Variants in KCNJ6 observed in about 807,000 individuals in gnomAD.
KCNJ6 encodes the protein potassium inwardly rectifying channel subfamily J member 6, also known as G protein-activated inward rectifier potassium channel 2.
A neutral mutation model predicts 34.2 loss-of-function variants in KCNJ6; 9 were observed. That is an observed-to-expected ratio of 0.26 (90% confidence interval 0.16 to 0.46). The LOEUF is 0.46. Ranked by LOEUF, KCNJ6 falls within the 20% of genes least tolerant of loss-of-function variation. KCNJ6 has a pLI of 1.00. For missense variants in KCNJ6, 236 were observed against 531.3 expected (o/e 0.44, Z 5.46); for synonymous variants, 196 against 207.1 (o/e 0.95, Z 0.46).
chr21:37,798,747 G>A (rs1043679382), intron 2 of KCNJ6, among the ~76,000 whole-genome samples: 4 of 152,044 alleles, frequency 2.6e-5, no homozygotes, highest in East Asian at 1.9e-4. Context: ...GTTTGGGGCC[G>A]GGGAAAAGGT....
chr21:37,908,868 A>T (rs1448720054), intron 1 of KCNJ6, among the ~76,000 whole-genome samples: 2 of 152,216 alleles, frequency 1.3e-5, no homozygotes, highest in Non-Finnish European at 2.9e-5. Context: ...CTTTGCTGCC[A>T]GACATTTATA....
At chr21:37,728,582 A>G (rs2054867410) in intron 2 of KCNJ6, among the ~76,000 whole-genome samples, 1 of 152,194 alleles carries the variant, frequency 6.6e-6, no homozygotes, top group Admixed American at 6.5e-5. Context: ...ACGATGCTAT[A>G]GCTCCAGACT....
chr21:37,878,719 C>T (rs2055691491), intron 1 of KCNJ6, among the ~76,000 whole-genome samples: 1 of 152,000 alleles, frequency 6.6e-6, no homozygotes. Context: ...ACCACTGAAT[C>T]ACAAAGGGAA....
intron 1 of KCNJ6, among the ~76,000 whole-genome samples, chr21:37,843,471 C>T: frequency 6.6e-6 from 1 of 152,316 alleles, no homozygotes; most frequent in East Asian, 1.9e-4. Flanking sequence ...TGTCTCTAAA[C>T]TCCTTATGTC....
At chr21:37,703,338 G>A (rs1451421508) in intron 3 of KCNJ6, among the ~76,000 whole-genome samples, 1 of 151,618 alleles carries the variant, frequency 6.6e-6, no homozygotes, top group East Asian at 1.9e-4. Flanking sequence ...CCAGGTGTGT[G>A]GCAGAAATGG....
intron 3 of KCNJ6, among the ~76,000 whole-genome samples, chr21:37,710,053 A>C (rs1271684196): frequency 6.8e-6 from 1 of 146,766 alleles, no homozygotes; most frequent in African/African-American, 2.4e-5. Context: ...TCTTTAAGAA[A>C]AACTTATTGG....
chr21:37,824,291 T>A (rs576900164), intron 2 of KCNJ6, among the ~76,000 whole-genome samples: 1 of 152,354 alleles, frequency 6.6e-6, no homozygotes, highest in Admixed American at 6.5e-5. Flanking sequence ...TCATAATTTT[T>A]ATGATATGAC....
At chr21:37,907,851 C>G (rs1456215786) in intron 1 of KCNJ6, among the ~76,000 whole-genome samples, 1 of 152,214 alleles carries the variant, frequency 6.6e-6, no homozygotes, top group African/African-American at 2.4e-5. Context: ...ACTGTCCTGC[C>G]TATTCCCTTC....
chr21:37,611,263 T>C lies in KCNJ6; in HGVS notation c.*13896A>G, dbSNP rs1050746997. 2 of 152,198 alleles carry C rather than the reference T, an allele frequency of 1.3e-5. No individual in the cohort carries two copies. The highest frequency in any genetic ancestry group is 2.9e-5 in the Non-Finnish European group (2 of 68,028). 9.4% of individuals were successfully genotyped at this position (152,198 alleles called of 1,614,324 possible). On this transcript the variant is annotated 3_prime_UTR_variant, in exon 4 of 4. Transcript: ENST00000609713. ...ATGTAGATGAAATGAACCAATTCCT[T>C]GAAAAATAGAATTTGTCAAAACTCA...
At chr21:37,697,388 G>A (rs1196572278) in intron 3 of KCNJ6, among the ~76,000 whole-genome samples, 1 of 152,200 alleles carries the variant, frequency 6.6e-6, no homozygotes, top group African/African-American at 2.4e-5. Flanking sequence ...CATAGAAAGT[G>A]GGGTGGGAAA....
chr21:37,751,811 G>T (rs2054997308), intron 2 of KCNJ6, among the ~76,000 whole-genome samples: 1 of 152,180 alleles, frequency 6.6e-6, no homozygotes, highest in Non-Finnish European at 1.5e-5. Flanking sequence ...CTATCTCGGG[G>T]TCTTTGAAGA....
At chr21:37,852,251 A>T (rs766854600) in intron 1 of KCNJ6, among the ~76,000 whole-genome samples, 7 of 152,210 alleles carry the variant, frequency 4.6e-5, no homozygotes, top group Non-Finnish European at 1.0e-4. Context: ...GACTCCCTGG[A>T]GACCATATGG....
rs148008039 is a variant in KCNJ6 at position 37,732,780 on chromosome 21, G to A, written c.26-17649C>T. ...TGGAAAATTGAATTTCATTTTCTCTGCTGTCCCTCTCCTGGGGATGACAGA... is the reference window on the plus strand; with the variant it reads ...TGGAAAATTGAATTTCATTTTCTCTACTGTCCCTCTCCTGGGGATGACAGA... On this transcript the variant is annotated intron_variant, in intron 2 of 3. Coordinates refer to ENST00000609713, the MANE Select transcript of KCNJ6 (RefSeq NM_002240.5). 8.5e-5 allele frequency among the ~76,000 whole-genome samples: 13 copies of A among 152,246 alleles called. No homozygotes were observed. The East Asian group carries it at 2.1e-3, about 25-fold the overall frequency.
intron 1 of KCNJ6, among the ~76,000 whole-genome samples, chr21:37,887,008 A>AC (rs2055739205): frequency 7.5e-6 from 1 of 133,352 alleles, no homozygotes; most frequent in Non-Finnish European, 1.6e-5. Flanking sequence ...TGGGCCATCC[A>AC]CCCCCACTCC....
At chr21:37,878,945 C>G (rs1037856797) in intron 1 of KCNJ6, among the ~76,000 whole-genome samples, 6 of 152,186 alleles carry the variant, frequency 3.9e-5, no homozygotes, top group African/African-American at 1.4e-4. Context: ...ATGCCTGAAT[C>G]CAGTACTAGA....
chr21:37,747,561 C>T (rs190765922), intron 2 of KCNJ6, among the ~76,000 whole-genome samples: 2 of 152,340 alleles, frequency 1.3e-5, no homozygotes, highest in Admixed American at 1.3e-4. Context: ...TGACCTTCAA[C>T]TGGGGAGATT....
chr21:37,744,126 C>A (rs1395674220), intron 2 of KCNJ6, among the ~76,000 whole-genome samples: 2 of 129,984 alleles, frequency 1.5e-5, no homozygotes, highest in Non-Finnish European at 3.1e-5. Context: ...AACACATGGA[C>A]ACAGGAAGAG....
rs552969627 is a variant in KCNJ6 at position 37,843,838 on chromosome 21, A to G, written c.-27-3129T>C. Among the ~76,000 whole-genome samples, 351 of 152,278 alleles carry G rather than the reference A, an allele frequency of 2.3e-3. 1 individual carries two copies. The highest frequency in any genetic ancestry group is 8.1e-3 in the African/African-American group (337 of 41,552). On this transcript the variant is annotated intron_variant, in intron 1 of 3. Transcript: ENST00000609713. ...TCCCAGAAATCTTAAGGCCCATCAA[A>G]CCTAAGCCCATTTAGCCAAGATCCC...
chr21:37,855,277 A>G (rs2055558973), intron 1 of KCNJ6, among the ~76,000 whole-genome samples: 1 of 152,160 alleles, frequency 6.6e-6, no homozygotes. Context: ...GTGAGGTTGC[A>G]GTTCTTCAGA....
Sources: allele counts gnomAD v4.1 joint callset (sites outside exome capture counted in the v4.1 genomes callset), GRCh38; gene constraint gnomAD v4.1.1; transcripts MANE v1.5; gene names NCBI Gene and HGNC (gene_info 2026-07-23, HGNC 2026-07-21).